Variants in MAP3K9 observed in about 807,000 individuals in gnomAD.
MAP3K9 encodes the protein mitogen-activated protein kinase kinase kinase 9.
In MAP3K9, 46 loss-of-function variants were observed where a neutral mutation model predicts 95.8. The ratio of observed to expected loss-of-function variants is 0.48; its 90% CI spans 0.38 to 0.61. MAP3K9 has a LOEUF of 0.61. Ranked by LOEUF, MAP3K9 falls within the 20% of genes least tolerant of loss-of-function variation. MAP3K9 has a pLI of 0.00. For synonymous variants in MAP3K9, 533 were observed against 593.8 expected, an observed-to-expected ratio of 0.90 and a Z score of 1.49; for missense variants, 1,296 against 1,474.3, an observed-to-expected ratio of 0.88 and a Z score of 1.98.
intron 3 of MAP3K9, among the ~76,000 whole-genome samples, chr14:70,758,478 A>G (rs1217540911): frequency 6.6e-6 from 1 of 152,242 alleles, no homozygotes; most frequent in Non-Finnish European, 1.5e-5. Context: ...AGCTATGATG[A>G]AAAAGTTTGG....
At chr14:70,753,021 T>G (rs929118558) in intron 3 of MAP3K9, 4 of 152,386 alleles carry the variant, frequency 2.6e-5, no homozygotes, top group African/African-American at 9.6e-5. Flanking sequence ...ACTGCCCAAG[T>G]AGGCAGAATG....
rs530925636 is a variant in MAP3K9, at chr14:70,796,955, G to A, written c.820+3712C>T. ...GGTTTGGCTTTTCGGGCTACGTACG[G>A]TCAATCTAAACTCAATGCAGATTCT... On this transcript the variant is annotated intron_variant, in intron 2 of 11. Transcript: ENST00000554752. Among the ~76,000 whole-genome samples, 4 of 152,322 alleles carry A rather than the reference G, an allele frequency of 2.6e-5. No individual in the cohort carries two copies. In the South Asian group the frequency reaches 8.3e-4, roughly 32 times the overall value.
intron 2 of MAP3K9, among the ~76,000 whole-genome samples, chr14:70,775,113 G>A (rs1197264911): frequency 6.7e-6 from 1 of 148,870 alleles, no homozygotes; most frequent in African/African-American, 2.5e-5. Flanking sequence ...CATCATTGTC[G>A]AAATCCAAAA....
At position 70,733,188 on chromosome 14, in the gene MAP3K9, G is replaced by C. The variant is rs781377445; in HGVS notation, c.2181C>G (p.Ala727=). 1 of 1,610,636 alleles carries C rather than the reference G, an allele frequency of 6.2e-7. No homozygotes were observed. Among genetic ancestry groups the C allele is most frequent in the South Asian group, 1.1e-5 (1 of 90,862 alleles). ...IHEEPTPVNS[A]TSTPQLTPTN... ...TTGGCGTCAGCTGAGGGGTACTCGT[G>C]GCCGAGTTGACTGGGGTGGGCTCCT... The change falls in exon 11 of 12, where the codon GCC becomes GCG. Residue 727 remains alanine, a synonymous_variant. Coordinates refer to ENST00000554752, the MANE Select transcript of MAP3K9 (RefSeq NM_001284230.2).
rs193047757 is a variant in MAP3K9, at chr14:70,778,080, T to C, written c.821-16898A>G. On this transcript the variant is annotated intron_variant, in intron 2 of 11. Transcript: ENST00000554752. ...AACCTCTCTCTCTCCCTTTTGTTTT[T>C]TGTTGTTTGTTGTTGTTGTTATTGT... Among the ~76,000 whole-genome samples the C allele has an allele frequency of 4.7e-3, 653 of 137,986 alleles. 3 individuals carry two copies. The highest frequency in any genetic ancestry group is 8.3e-3 in the Non-Finnish European group (506 of 61,110). 90.5% of individuals were successfully genotyped at this position (137,986 alleles called of 152,430 possible). A position where few individuals can be genotyped will look rare whatever the true frequency, so the allele number is the denominator to read the frequency against.
chr14:70,755,108 G>T (rs796516144), intron 3 of MAP3K9, among the ~76,000 whole-genome samples: 5 of 152,364 alleles, frequency 3.3e-5, no homozygotes, highest in African/African-American at 1.2e-4. Context: ...GAGGCCCCCA[G>T]CTCTGGATGA....
chr14:70,789,291 T>C (rs919947155), intron 2 of MAP3K9, among the ~76,000 whole-genome samples: 3 of 152,182 alleles, frequency 2.0e-5, no homozygotes, highest in Non-Finnish European at 2.9e-5. Flanking sequence ...TCGGTGGGAA[T>C]AGTAAAACTA....
In MAP3K9 at chr14:70,782,303, T is replaced by A. The variant is rs191432145; in HGVS notation, c.820+18364A>T. ...ATGTATGCAATAGCAGGCACGTCAATTTCTTATGAGGACATTTGGGTAATA... is the reference window on the plus strand; with the variant it reads ...ATGTATGCAATAGCAGGCACGTCAAATTCTTATGAGGACATTTGGGTAATA... On this transcript the variant is annotated intron_variant, in intron 2 of 11. Coordinates refer to ENST00000554752, the MANE Select transcript of MAP3K9 (RefSeq NM_001284230.2). Among the ~76,000 whole-genome samples, 6 of 152,328 alleles carry A rather than the reference T, an allele frequency of 3.9e-5. No homozygotes were observed. In the South Asian group the frequency reaches 8.3e-4, roughly 21 times the overall value.
intron 1 of MAP3K9, among the ~76,000 whole-genome samples, chr14:70,804,343 C>T (rs2054965936): frequency 6.6e-6 from 1 of 152,156 alleles, no homozygotes; most frequent in Admixed American, 6.5e-5. Context: ...AGACTTATTA[C>T]TAACTTGTGC....
intron 2 of MAP3K9, among the ~76,000 whole-genome samples, chr14:70,786,178 C>A (rs541994694): frequency 6.6e-6 from 1 of 152,246 alleles, no homozygotes; most frequent in South Asian, 2.1e-4. Context: ...CTCCCCTTGT[C>A]ACTAGCTGCT....
rs749028549 is a variant in MAP3K9, at chr14:70,733,074, T to G, written c.2295A>C (p.Leu765=). Reference sequence around the variant, plus strand: ...TGCCAGCTTCCAGCAAGTCAAACCCTAGGCCTGTGGCTGCCAGAACAGCCC... The same window carrying G: ...TGCCAGCTTCCAGCAAGTCAAACCCGAGGCCTGTGGCTGCCAGAACAGCCC... ...GCGAVLAATG[L]GFDLLEAGKC... The change falls in exon 11 of 12, where the codon CTA becomes CTC. Residue 765 remains leucine, a synonymous_variant. Coordinates refer to ENST00000554752, the MANE Select transcript of MAP3K9 (RefSeq NM_001284230.2). 6.2e-7 allele frequency: 1 copy of G among 1,614,088 alleles called. No individual in the cohort carries two copies. The highest frequency in any genetic ancestry group is 2.2e-5 in the East Asian group (1 of 44,874).
chr14:70,791,026 C>CG (rs1378887828), intron 2 of MAP3K9, among the ~76,000 whole-genome samples: 1 of 152,198 alleles, frequency 6.6e-6, no homozygotes, highest in Non-Finnish European at 1.5e-5. Flanking sequence ...GTGCCACAGA[C>CG]CACCCGCAAA....
intron 2 of MAP3K9, among the ~76,000 whole-genome samples, chr14:70,790,462 G>T (rs1206903234): frequency 2.0e-5 from 3 of 152,162 alleles, no homozygotes; most frequent in Non-Finnish European, 4.4e-5. Context: ...GATCACAGAC[G>T]TGCCCAAGGC....
At chr14:70,763,031 C>T (rs985730666) in intron 2 of MAP3K9, among the ~76,000 whole-genome samples, 3 of 152,320 alleles carry the variant, frequency 2.0e-5, no homozygotes, top group South Asian at 4.1e-4. Flanking sequence ...TCCCAACATG[C>T]TTTCCTGAGT....
At position 70,742,598 on chromosome 14, in the gene MAP3K9, G is replaced by A; in HGVS notation, c.1327-7C>T. 2 of 1,613,400 alleles carry A rather than the reference G, an allele frequency of 1.2e-6. No homozygotes were observed. Among genetic ancestry groups the A allele is most frequent in the South Asian group, 2.2e-5 (2 of 91,008 alleles). The stretch of plus-strand genomic sequence containing the variant: ...CCTCCCAGGTGCGAAGTTCCTGCAG[G>A]ATGGGCAGAACCATCAGAGAAAAGA... On this transcript the variant is annotated splice_region_variant and splice_polypyrimidine_tract_variant and intron_variant, in intron 5 of 11. Coordinates refer to ENST00000554752, the MANE Select transcript of MAP3K9 (RefSeq NM_001284230.2).
At chr14:70,793,505 G>A (rs527942722) in intron 2 of MAP3K9, among the ~76,000 whole-genome samples, 4 of 152,128 alleles carry the variant, frequency 2.6e-5, no homozygotes, top group African/African-American at 7.2e-5. Context: ...TGGGCAACAC[G>A]GCGAGACCCT....
At chr14:70,753,830 A>AG (rs767007841) in intron 3 of MAP3K9, among the ~76,000 whole-genome samples, 2 of 152,060 alleles carry the variant, frequency 1.3e-5, no homozygotes, top group Non-Finnish European at 2.9e-5. Context: ...GAGGTGGAGG[A>AG]GGGGTGTTTG....
intron 2 of MAP3K9, among the ~76,000 whole-genome samples, chr14:70,792,643 CCTT>C (rs2054819228): frequency 1.3e-5 from 2 of 152,192 alleles, no homozygotes; most frequent in African/African-American, 4.8e-5. Context: ...GGTGCCTGAG[CCTT>C]AGCTGCTTCC....
chr14:70,737,134 C>G (rs901844736), intron 8 of MAP3K9, among the ~76,000 whole-genome samples: 8 of 152,202 alleles, frequency 5.3e-5, no homozygotes, highest in Non-Finnish European at 8.8e-5. Flanking sequence ...AAACACTGTG[C>G]TAGCTTCTAA....
Sources: gnomAD v4.1 joint callset for allele counts (sites outside exome capture counted in the v4.1 genomes callset) on GRCh38, gnomAD v4.1.1 for gene constraint, MANE v1.5 for transcripts, NCBI Gene and HGNC (gene_info 2026-07-23, HGNC 2026-07-21) for gene names.